ARHGEF6: variants seen among roughly 807,000 people sequenced by gnomAD.
ARHGEF6 encodes the protein rho guanine nucleotide exchange factor 6.
Under a neutral mutation model 70.3 loss-of-function variants are expected in ARHGEF6, and 9 were observed. That is an observed-to-expected ratio of 0.13 (90% CI 0.08 to 0.22). The LOEUF (loss-of-function observed/expected upper bound fraction) is 0.22. Among genes scored for constraint, ARHGEF6 ranks in the 10% least tolerant of loss-of-function variants. The probability of loss-of-function intolerance (pLI) is 1.00; values close to 1 mark genes in which losing one functional copy is unlikely to be tolerated. For missense variants in ARHGEF6, 470 were observed against 563.0 expected, an observed-to-expected ratio of 0.83 and a Z score of 1.67; for synonymous variants, 201 against 207.8, an observed-to-expected ratio of 0.97 and a Z score of 0.28.
At chrX:136,685,622 A>AT in intron 12 of ARHGEF6, 55 bp downstream of exon 12, 4 of 1,089,909 alleles carry the variant, frequency 3.7e-6, no homozygotes, top group African/African-American at 1.9e-5. Flanking sequence ...AAAAAAAAAA[A>AT]GGAAGAAAAA....
At chrX:136,676,747 A>G in intron 17 of ARHGEF6, 30 bp from the exon 18 acceptor site, 2 of 1,045,749 alleles carry the variant, frequency 1.9e-6, no homozygotes, top group Non-Finnish European at 2.7e-6. Flanking sequence ...TTAATGAATT[A>G]AAATTCTCCC....
rs1160502218 is a variant in ARHGEF6 at position 136,669,155 on chromosome X, C to T, written c.2190+327G>A. On this transcript the variant is annotated intron_variant, in intron 21 of 21. Transcript: ENST00000250617. ...CACATCGGCAGAAAAGCCCACAAAC[C>T]ATGATGAATGGTTCTCTTTACACTT... Among the ~76,000 whole-genome samples the T allele has an allele frequency of 2.7e-5, 3 of 111,994 alleles. No individual in the cohort carries two copies. In the East Asian group the frequency reaches 8.4e-4, roughly 31 times the overall value.
intron 9 of ARHGEF6, among the ~76,000 whole-genome samples, chrX:136,701,848 C>T (rs374763876): frequency 2.8e-5 from 3 of 107,641 alleles, no homozygotes; most frequent in African/African-American, 1.0e-4. Flanking sequence ...GCTGGGACTA[C>T]AGGCGCCCAC....
At chrX:136,686,592 G>GTATATATATATATATA (rs1426495423) in intron 11 of ARHGEF6, among the ~76,000 whole-genome samples, 3 of 59,704 alleles carry the variant, frequency 5.0e-5, no homozygotes, top group African/African-American at 2.2e-4. Context: ...GTGTATGTGT[G>GTATATATATATATATA]TGTATATATA....
intron 2 of ARHGEF6, among the ~76,000 whole-genome samples, chrX:136,750,330 T>C (rs1337445035): frequency 8.9e-6 from 1 of 112,545 alleles, no homozygotes. Flanking sequence ...GTATGTAATT[T>C]TCCAAAGTCA....
chrX:136,733,058 C>G, intron 5 of ARHGEF6, among the ~76,000 whole-genome samples: 1 of 109,709 alleles, frequency 9.1e-6, no homozygotes, highest in Non-Finnish European at 1.9e-5. Flanking sequence ...TACTGCCCTT[C>G]TTTTACCTAA....
intron 5 of ARHGEF6, among the ~76,000 whole-genome samples, chrX:136,741,226 A>C (rs769161635): frequency 5.0e-4 from 56 of 111,937 alleles, no homozygotes; most frequent in African/African-American, 1.8e-3. Flanking sequence ...TTCATTATCT[A>C]CATTATACAG....
chrX:136,678,911 C>T (rs1288997817), intron 16 of ARHGEF6, among the ~76,000 whole-genome samples: 1 of 111,070 alleles, frequency 9.0e-6, no homozygotes, highest in Non-Finnish European at 1.9e-5. Context: ...GTTACAGAAG[C>T]TAGTGAGTGA....
intron 2 of ARHGEF6, among the ~76,000 whole-genome samples, chrX:136,777,761 T>TAC (rs376800070): frequency 0.012 from 1,168 of 98,495 alleles, 19 homozygotes; most frequent in African/African-American, 0.032. Context: ...TATGTATACA[T>TAC]ACACACACAC....
intron 2 of ARHGEF6, among the ~76,000 whole-genome samples, chrX:136,760,274 C>G (rs1407359490): frequency 8.9e-6 from 1 of 112,577 alleles, no homozygotes; most frequent in Non-Finnish European, 1.9e-5. Flanking sequence ...GTACTAACCC[C>G]AAATGTCATC....
At chrX:136,700,440 T>C (rs902885131) in intron 9 of ARHGEF6, among the ~76,000 whole-genome samples, 1 of 111,098 alleles carries the variant, frequency 9.0e-6, no homozygotes, top group African/African-American at 3.3e-5. Flanking sequence ...GGCATGAACA[T>C]TGCTTGAACC....
Position 136,690,663 on chromosome X carries a change from T to C in ARHGEF6, c.1132A>G (p.Met378Val), listed in dbSNP as rs1328419435. 1 of 1,210,693 alleles carries C rather than the reference T, an allele frequency of 8.3e-7. No homozygotes were observed. The highest frequency in any genetic ancestry group is 1.1e-6 in the Non-Finnish European group (1 of 894,819). Residue 378 changes from methionine to valine, a missense_variant, in exon 10 of 22, where the codon ATG (methionine) becomes GTG (valine). This residue lies in a region of ARHGEF6 where 379 missense variants were observed against 449.3 expected (regional missense o/e 0.84). Coordinates refer to ENST00000250617, the MANE Select transcript of ARHGEF6 (RefSeq NM_004840.3). ...ILTTNLSKPF[M>V]RLEKYVTLLQ... is the part of the protein sequence containing the mutation. The stretch of plus-strand genomic sequence containing the variant: ...AGAGTAACATATTTCTCCAGTCGCA[T>C]GAATGGTTTGCTGAGGTTTGTTGTT...
Position 136,710,894 on chromosome X carries a change from C to T in ARHGEF6, c.828-2124G>A, listed in dbSNP as rs369834248. Among the ~76,000 whole-genome samples the T allele has an allele frequency of 4.5e-5, 5 of 111,856 alleles. No homozygotes were observed. In the East Asian group the frequency reaches 1.1e-3, roughly 25 times the overall value. On this transcript the variant is annotated intron_variant, in intron 7 of 21. Coordinates refer to ENST00000250617, the MANE Select transcript of ARHGEF6 (RefSeq NM_004840.3). The stretch of plus-strand genomic sequence containing the variant: ...AGAAGACTTACAAATGGCCAACCAA[C>T]ATATGAAGAAATGCTCAGTATCACT...
At chrX:136,699,252 A>T (rs1276548311) in intron 9 of ARHGEF6, among the ~76,000 whole-genome samples, 1 of 111,164 alleles carries the variant, frequency 9.0e-6, no homozygotes, top group Non-Finnish European at 1.9e-5. Flanking sequence ...GTTATACAGG[A>T]GTCACATTTT....
At chrX:136,758,303 G>A (rs1047626469) in intron 2 of ARHGEF6, among the ~76,000 whole-genome samples, 147 of 109,237 alleles carry the variant, frequency 1.3e-3, no homozygotes, top group Non-Finnish European at 2.4e-3. Flanking sequence ...CGCCCGCCTC[G>A]GCCTCCGAAA....
Position 136,752,775 on chromosome X carries a change from T to A in ARHGEF6, c.250-5183A>T, listed in dbSNP as rs2077166223. Among the ~76,000 whole-genome samples, 4 of 112,512 alleles carry A rather than the reference T, an allele frequency of 3.6e-5. No individual in the cohort carries two copies. In the South Asian group the frequency reaches 1.4e-3, roughly 41 times the overall value. ...ATAGCTTATATTTCAAGCCTGTTTTTTAAAAAAGATTCCAAATATTTAGGA... is the reference window on the plus strand; with the variant it reads ...ATAGCTTATATTTCAAGCCTGTTTTATAAAAAAGATTCCAAATATTTAGGA... On this transcript the variant is annotated intron_variant, in intron 2 of 21. Coordinates refer to ENST00000250617, the MANE Select transcript of ARHGEF6 (RefSeq NM_004840.3).
chrX:136,702,064 C>G (rs1307875868), intron 9 of ARHGEF6, among the ~76,000 whole-genome samples: 3 of 111,314 alleles, frequency 2.7e-5, no homozygotes, highest in African/African-American at 9.8e-5. Context: ...ATAATAGCAA[C>G]AGTGTATTGG....
At chrX:136,763,014 T>C (rs2077278702) in intron 2 of ARHGEF6, among the ~76,000 whole-genome samples, 1 of 112,045 alleles carries the variant, frequency 8.9e-6, no homozygotes, top group Non-Finnish European at 1.9e-5. Context: ...ACAGCATGCC[T>C]GACACCACAT....
At chrX:136,745,463 G>T in intron 3 of ARHGEF6, 116 bp from the exon 4 acceptor site, 1 of 952,850 alleles carries the variant, frequency 1.0e-6, no homozygotes, top group Non-Finnish European at 1.5e-6. Context: ...AATTCTAACT[G>T]TTATCATTAT....
Sources: allele counts gnomAD v4.1 joint callset (sites outside exome capture counted in the v4.1 genomes callset), GRCh38; gene constraint gnomAD v4.1.1; regional missense constraint gnomAD v4.1.1; transcripts MANE v1.5; gene names NCBI Gene and HGNC (gene_info 2026-07-23, HGNC 2026-07-21).